Variants in ERBB4 observed in about 807,000 individuals in gnomAD.
ERBB4 encodes erb-b2 receptor tyrosine kinase 4.
A neutral mutation model predicts 158.0 loss-of-function variants in ERBB4; 42 were observed. The ratio of observed to expected loss-of-function variants is 0.27; its 90% CI spans 0.21 to 0.34. ERBB4 has a LOEUF of 0.34. ERBB4 is among the 10% of genes least tolerant of loss of function. The pLI is 1.00. For missense variants in ERBB4, 1,333 were observed against 1,624.1 expected (o/e 0.82, Z 3.08); for synonymous variants, 583 against 558.7 (o/e 1.04, Z -0.61).
chr2:211,400,136 C>T (rs555337303), intron 25 of ERBB4, among the ~76,000 whole-genome samples: 27 of 152,202 alleles, frequency 1.8e-4, no homozygotes, highest in African/African-American at 5.8e-4. Context: ...AAAGGACGGT[C>T]ATCCAACAGC....
At chr2:211,995,580 A>AT (rs1223015974) in intron 2 of ERBB4, among the ~76,000 whole-genome samples, 1 of 152,014 alleles carries the variant, frequency 6.6e-6, no homozygotes, top group African/African-American at 2.4e-5. Context: ...ATGGCCCTTG[A>AT]TTTTTTATCC....
rs61106760 is a variant in ERBB4 at position 212,350,944 on chromosome 2, C to G, written c.82+187505G>C. ...AAGCAAGGTGCAAATGGAAAATGAC[C>G]TGCACACATATCTCCATGGAGCAGG... On this transcript the variant is annotated intron_variant, in intron 1 of 27. Transcript: ENST00000342788. Among the ~76,000 whole-genome samples, 876 of 152,154 alleles carry G rather than the reference C, an allele frequency of 5.8e-3. 10 individuals carry two copies. Among genetic ancestry groups the G allele is most frequent in the African/African-American group, 0.02 (822 of 41,522 alleles).
intron 2 of ERBB4, among the ~76,000 whole-genome samples, chr2:211,973,233 G>A (rs1454492976): frequency 2.0e-5 from 3 of 147,028 alleles, no homozygotes; most frequent in South Asian, 2.1e-4. Context: ...ATGGAGTCTC[G>A]CTCTTCCACC....
At chr2:212,140,981 T>C (rs1255908617) in intron 1 of ERBB4, among the ~76,000 whole-genome samples, 2 of 151,630 alleles carry the variant, frequency 1.3e-5, no homozygotes, top group Admixed American at 6.6e-5. Context: ...TTGTATAATA[T>C]TGTTTCTATT....
intron 2 of ERBB4, among the ~76,000 whole-genome samples, chr2:211,973,490 C>A (rs146646485): frequency 1.3e-5 from 2 of 152,098 alleles, no homozygotes; most frequent in African/African-American, 4.8e-5. Context: ...CATGAGCCAC[C>A]GTGCCCAGCC....
intron 1 of ERBB4, 55 bp downstream of exon 1, chr2:212,538,394 G>A: frequency 6.6e-7 from 1 of 1,508,696 alleles, no homozygotes; most frequent in Non-Finnish European, 9.2e-7. Context: ...AGCCACTCGA[G>A]GCAGCCCCGC....
intron 1 of ERBB4, among the ~76,000 whole-genome samples, chr2:212,142,057 G>A (rs549833913): frequency 4.6e-5 from 7 of 152,024 alleles, no homozygotes; most frequent in Non-Finnish European, 5.9e-5. Context: ...CTGGCCACAG[G>A]GGCCACCTTA....
chr2:212,124,944 TA>T lies in ERBB4; in HGVS notation c.83-42del, dbSNP rs376753911. 9 of 1,604,144 alleles carry T rather than the reference TA, an allele frequency of 5.6e-6. No homozygotes were observed. In the African/African-American group the frequency reaches 1.2e-4, roughly 21 times the overall value. The stretch of plus-strand genomic sequence containing the variant: ...GATACACGTGAAATTACATAACCTT[TA>T]TATGATATGCGCAATGATAATATCT... On this transcript the variant is annotated intron_variant, in intron 1 of 27. Transcript: ENST00000342788.
chr2:211,621,496 G>C (rs891091610), intron 18 of ERBB4, among the ~76,000 whole-genome samples: 6 of 152,046 alleles, frequency 3.9e-5, no homozygotes, highest in Non-Finnish European at 8.8e-5. Flanking sequence ...TTCAATTAGG[G>C]TAAAACACTC....
chr2:211,763,736 A>C (rs1489265084), intron 4 of ERBB4, among the ~76,000 whole-genome samples: 1 of 152,120 alleles, frequency 6.6e-6, no homozygotes, highest in Non-Finnish European at 1.5e-5. Flanking sequence ...ATAACAAAGA[A>C]AAATGGATAA....
chr2:211,856,292 A>T (rs1411487015), intron 3 of ERBB4, among the ~76,000 whole-genome samples: 1 of 152,174 alleles, frequency 6.6e-6, no homozygotes, highest in Non-Finnish European at 1.5e-5. Context: ...AGGCAATTAC[A>T]GCCCAGAGCT....
At chr2:211,515,755 C>T (rs955818572) in intron 20 of ERBB4, among the ~76,000 whole-genome samples, 2 of 150,858 alleles carry the variant, frequency 1.3e-5, no homozygotes, top group Non-Finnish European at 2.9e-5. Flanking sequence ...CTGGATGCCC[C>T]TACTGTACCA....
intron 9 of ERBB4, among the ~76,000 whole-genome samples, chr2:211,707,720 C>T (rs1244548363): frequency 6.6e-6 from 1 of 152,098 alleles, no homozygotes; most frequent in Admixed American, 6.6e-5. Flanking sequence ...CCTGCAGTTC[C>T]CATTCTAAAT....
rs572005844 is a variant in ERBB4, at chr2:212,365,252, T to A, written c.82+173197A>T. Reference sequence around the variant, plus strand: ...AGAATAAAATGCTCAAATTATCTTGTGAACTCTTTGGTTTTCTTGATTAAA... The same window carrying A: ...AGAATAAAATGCTCAAATTATCTTGAGAACTCTTTGGTTTTCTTGATTAAA... On this transcript the variant is annotated intron_variant, in intron 1 of 27. Coordinates refer to ENST00000342788, the MANE Select transcript of ERBB4 (RefSeq NM_005235.3). 4.6e-5 allele frequency among the ~76,000 whole-genome samples: 7 copies of A among 151,870 alleles called. No individual in the cohort carries two copies. In the South Asian group the frequency reaches 1.5e-3, roughly 31 times the overall value.
chr2:211,822,787 C>T, intron 3 of ERBB4, among the ~76,000 whole-genome samples: 1 of 152,002 alleles, frequency 6.6e-6, no homozygotes, highest in East Asian at 1.9e-4. Flanking sequence ...CACAACATTC[C>T]TTTGTCTCTG....
Position 211,888,051 on chromosome 2 carries a change from A to G in ERBB4, c.421+59379T>C, listed in dbSNP as rs562740183. Among the ~76,000 whole-genome samples, 6 of 152,316 alleles carry G rather than the reference A, an allele frequency of 3.9e-5. No individual in the cohort carries two copies. The South Asian group carries it at 1.0e-3, about 26-fold the overall frequency. On this transcript the variant is annotated intron_variant, in intron 3 of 27. Transcript: ENST00000342788. ...TCCTAATATTCCCCCAGGCCAATGCATCCTTACATTAGCAATATCTTCTGA... is the reference window on the plus strand; with the variant it reads ...TCCTAATATTCCCCCAGGCCAATGCGTCCTTACATTAGCAATATCTTCTGA...
At chr2:211,885,100 T>C (rs2078762674) in intron 3 of ERBB4, among the ~76,000 whole-genome samples, 1 of 152,172 alleles carries the variant, frequency 6.6e-6, no homozygotes. Flanking sequence ...GCTTTTTTGT[T>C]GAATTGATAT....
chr2:212,022,621 C>G (rs909971194), intron 2 of ERBB4, among the ~76,000 whole-genome samples: 1 of 152,006 alleles, frequency 6.6e-6, no homozygotes, highest in Non-Finnish European at 1.5e-5. Flanking sequence ...GTGCAGCAAA[C>G]CACCGTAGCA....
At chr2:212,299,322 TG>T (rs1412363962) in intron 1 of ERBB4, among the ~76,000 whole-genome samples, 1 of 151,712 alleles carries the variant, frequency 6.6e-6, no homozygotes, top group Non-Finnish European at 1.5e-5. Flanking sequence ...TTGGTATTAA[TG>T]CTGGCCAATC....
Sources: allele counts gnomAD v4.1 joint callset (sites outside exome capture counted in the v4.1 genomes callset), GRCh38; gene constraint gnomAD v4.1.1; transcripts MANE v1.5; gene names NCBI Gene and HGNC (gene_info 2026-07-23, HGNC 2026-07-21).